The following NEK7 variants were observed in gnomAD, a reference collection of about 807,000 sequenced individuals.
The protein encoded by NEK7 is NIMA related kinase 7.
NEK7 carries 18 observed loss-of-function variants against 44.6 expected under a neutral mutation model. The observed-to-expected ratio is 0.40, with a 90% CI of 0.28 to 0.60. The LOEUF (loss-of-function observed/expected upper bound fraction) is 0.60. Ranked by LOEUF, NEK7 falls within the 20% of genes least tolerant of loss-of-function variation. The pLI is 0.38. For synonymous variants in NEK7, 130 were observed against 121.1 expected (o/e 1.07, Z -0.48); for missense variants, 256 against 366.5 (o/e 0.70, Z 2.46).
chr1:198,203,267 C>G (rs926621252), intron 1 of NEK7, among the ~76,000 whole-genome samples: 2 of 152,106 alleles, frequency 1.3e-5, no homozygotes, highest in Non-Finnish European at 2.9e-5. Context: ...AAACTGTCTT[C>G]CTGGATCATC....
chr1:198,223,636 ATTT>A (rs1272932267), intron 1 of NEK7, among the ~76,000 whole-genome samples: 3 of 152,308 alleles, frequency 2.0e-5, no homozygotes, highest in East Asian at 3.9e-4. Flanking sequence ...TTTCATAGAT[ATTT>A]TTAGGAAAAC....
chr1:198,237,294 G>A (rs1666565715), intron 2 of NEK7, among the ~76,000 whole-genome samples: 1 of 152,040 alleles, frequency 6.6e-6, no homozygotes, highest in Non-Finnish European at 1.5e-5. Context: ...TTCTATGCTG[G>A]TGACTCTTTG....
At chr1:198,237,228 C>T (rs564788860) in intron 2 of NEK7, among the ~76,000 whole-genome samples, 1 of 152,234 alleles carries the variant, frequency 6.6e-6, no homozygotes, top group South Asian at 2.1e-4. Flanking sequence ...GGCTCAGTTC[C>T]TTAGACCTCT....
At chr1:198,205,912 C>G (rs1304308258) in intron 1 of NEK7, among the ~76,000 whole-genome samples, 2 of 151,758 alleles carry the variant, frequency 1.3e-5, no homozygotes, top group Non-Finnish European at 2.9e-5. Flanking sequence ...AGGAAAGTAC[C>G]ACTTCTCTTC....
intron 3 of NEK7, among the ~76,000 whole-genome samples, chr1:198,261,147 C>T (rs1015960856): frequency 1.3e-5 from 2 of 151,896 alleles, no homozygotes; most frequent in Non-Finnish European, 1.5e-5. Context: ...TAATGGTACC[C>T]GCCACCCTAC....
At chr1:198,284,896 A>G (rs1327010894) in intron 7 of NEK7, among the ~76,000 whole-genome samples, 1 of 152,158 alleles carries the variant, frequency 6.6e-6, no homozygotes, top group Non-Finnish European at 1.5e-5. Context: ...CAGTAATGGC[A>G]ATGAATACGA....
intron 9 of NEK7, among the ~76,000 whole-genome samples, chr1:198,297,656 G>A (rs1036217262): frequency 1.3e-5 from 2 of 152,154 alleles, no homozygotes; most frequent in Admixed American, 6.5e-5. Context: ...TATTTTGGCA[G>A]AACTTCCCTT....
At chr1:198,279,126 T>C in intron 7 of NEK7, 65 bp downstream of exon 7, 1 of 957,340 alleles carries the variant, frequency 1.0e-6, no homozygotes. Flanking sequence ...ATAAGAGGTA[T>C]ACCAATTACA....
chr1:198,194,408 T>TA (rs1389221825), intron 1 of NEK7, among the ~76,000 whole-genome samples: 2 of 152,076 alleles, frequency 1.3e-5, no homozygotes, highest in Admixed American at 1.3e-4. Context: ...TTAAGCCTAG[T>TA]ACCCATTAGT....
chr1:198,222,141 T>C (rs1193478852), intron 1 of NEK7, among the ~76,000 whole-genome samples: 3 of 152,144 alleles, frequency 2.0e-5, no homozygotes, highest in African/African-American at 7.2e-5. Flanking sequence ...TTTGTTCTTT[T>C]ATTTTCCATA....
At chr1:198,309,893 G>T (rs1485456229) in intron 9 of NEK7, among the ~76,000 whole-genome samples, 1 of 152,066 alleles carries the variant, frequency 6.6e-6, no homozygotes, top group Non-Finnish European at 1.5e-5. Context: ...GAATAATGCC[G>T]CAATAAACAT....
Position 198,267,535 on chromosome 1 carries a change from C to T in NEK7, c.372+3300C>T, listed in dbSNP as rs182265475. ...CTCAGCTCACTGCAACCTCTGCCTC[C>T]CAGGTTCAAGCAATTCTCCTGTCTC... On this transcript the variant is annotated intron_variant, in intron 5 of 9. Transcript: ENST00000367385. 2.5e-3 allele frequency among the ~76,000 whole-genome samples: 381 copies of T among 152,132 alleles called. 1 individual carries two copies. The highest frequency in any genetic ancestry group is 8.6e-3 in the African/African-American group (359 of 41,526).
intron 1 of NEK7, among the ~76,000 whole-genome samples, chr1:198,228,782 G>GT (rs1307308455): frequency 6.6e-6 from 1 of 152,088 alleles, no homozygotes; most frequent in Non-Finnish European, 1.5e-5. Context: ...AGACAATGGG[G>GT]TTTCTAGATA....
intron 1 of NEK7, among the ~76,000 whole-genome samples, chr1:198,202,733 G>T (rs959824171): frequency 5.3e-5 from 8 of 152,204 alleles, no homozygotes; most frequent in Non-Finnish European, 8.8e-5. Context: ...ATCAGATTTT[G>T]TGAGACTTAT....
intron 2 of NEK7, among the ~76,000 whole-genome samples, chr1:198,239,875 A>G (rs1358398525): frequency 3.3e-5 from 5 of 152,176 alleles, no homozygotes; most frequent in East Asian, 3.8e-4. Context: ...AGGATAGCCT[A>G]CTACACACCT....
At chr1:198,264,422 T>G (rs989851653) in intron 5 of NEK7, among the ~76,000 whole-genome samples, 187 bp downstream of exon 5, 1 of 152,016 alleles carries the variant, frequency 6.6e-6, no homozygotes, top group Non-Finnish European at 1.5e-5. Flanking sequence ...CTTGGTGATG[T>G]TTACACTGAT....
chr1:198,159,537 T>C (rs890434027), intron 1 of NEK7, among the ~76,000 whole-genome samples: 1 of 152,244 alleles, frequency 6.6e-6, no homozygotes, highest in African/African-American at 2.4e-5. Context: ...CGTTAGGCGT[T>C]TTCACAACTT....
chr1:198,197,298 A>G (rs868398703), intron 1 of NEK7, among the ~76,000 whole-genome samples: 96 of 152,338 alleles, frequency 6.3e-4, no homozygotes, highest in Non-Finnish European at 1.0e-3. Flanking sequence ...TTTGCCTACT[A>G]TGTAGATACA....
chr1:198,195,889 T>C (rs1356503442), intron 1 of NEK7, among the ~76,000 whole-genome samples: 2 of 152,220 alleles, frequency 1.3e-5, no homozygotes, highest in African/African-American at 4.8e-5. Flanking sequence ...ATTTAATAAA[T>C]AGAAGACATT....
Sources: gnomAD v4.1 joint callset for allele counts (sites outside exome capture counted in the v4.1 genomes callset) on GRCh38, gnomAD v4.1.1 for gene constraint, MANE v1.5 for transcripts, NCBI Gene and HGNC (gene_info 2026-07-23, HGNC 2026-07-21) for gene names.